Variants in KIRREL2 observed in about 807,000 individuals in gnomAD.
The protein encoded by KIRREL2 is kin of IRRE-like protein 2.
Under a neutral mutation model 73.4 loss-of-function variants are expected in KIRREL2, and 56 were observed. The ratio of observed to expected loss-of-function variants is 0.76; its 90% CI spans 0.62 to 0.95. The LOEUF is 0.95. KIRREL2 is among the 40% of genes least tolerant of loss of function. The pLI is 0.00. For synonymous variants in KIRREL2, 407 were observed against 404.0 expected, an observed-to-expected ratio of 1.01 and a Z score of -0.09; for missense variants, 896 against 935.0, an observed-to-expected ratio of 0.96 and a Z score of 0.54.
Position 35,866,263 on chromosome 19 carries a change from C to T in KIRREL2, c.1898C>T (p.Pro633Leu), listed in dbSNP as rs2146889424. The stretch of plus-strand genomic sequence containing the variant: ...CTGCCACCACCCTCCCCCCTTGGGC[C>T]CCCAGGGACCCCTACCTTCTATGAC... The part of the protein sequence containing the change: ...LFLPPPSPLG[P>L]PGTPTFYDFN... The change falls in exon 15 of 15, where the codon CCC becomes CTC. Residue 633 changes from proline (P) to leucine (L), a missense_variant. By Grantham distance (98) the Pro-to-Leu change is moderately conservative (BLOSUM62 -3). Transcript: ENST00000360202. 51 of 1,611,180 alleles carry T rather than the reference C, an allele frequency of 3.2e-5. No homozygotes were observed. The highest frequency in any genetic ancestry group is 4.2e-5 in the Non-Finnish European group (50 of 1,177,500).
intron 2 of KIRREL2, 150 bp downstream of exon 2, chr19:35,857,644 T>G (rs1973482408): frequency 1.2e-6 from 1 of 825,914 alleles, no homozygotes; most frequent in Non-Finnish European, 1.8e-6. Context: ...TTGAGCTGCT[T>G]CTTTGGGGGT....
At chr19:35,860,736 G>T in intron 7 of KIRREL2, 69 bp downstream of exon 7, 1 of 1,591,486 alleles carries the variant, frequency 6.3e-7, no homozygotes, top group Non-Finnish European at 8.5e-7. Flanking sequence ...GAGGGTCGGG[G>T]CCTGGAGGGG....
At position 35,866,777 on chromosome 19, in the gene KIRREL2, TGGGTGTTGGGAGTTTGGGGCC is replaced by T. The variant is rs1377698784; in HGVS notation, c.*289_*309del. The T allele has an allele frequency of 9.3e-6, 5 of 538,046 alleles. No individual in the cohort carries two copies. Among genetic ancestry groups the T allele is most frequent in the Non-Finnish European group, 1.6e-5 (5 of 309,184 alleles). 33.3% of individuals were successfully genotyped at this position (538,046 alleles called of 1,614,324 possible). A position where few individuals can be genotyped will look rare whatever the true frequency, so the allele number is the denominator to read the frequency against. ...TTGAGGAGAGATGGGGACAGGGCAG[TGGGTGTTGGGAGTTTGGGGCC>T]GGGATGGAAGTTGTTTCTAGCCACT... On this transcript the variant is annotated 3_prime_UTR_variant, in exon 15 of 15. Transcript: ENST00000360202.
chr19:35,861,686 C>G, intron 10 of KIRREL2, 45 bp downstream of exon 10: 16 of 1,599,140 alleles, frequency 1.0e-5, no homozygotes, highest in Non-Finnish European at 1.4e-5. Flanking sequence ...GCCGTGATCC[C>G]TGACCTCCCA....
At chr19:35,851,559 G>A (rs1973262633), upstream of KIRREL2, 3 of 1,613,898 alleles carry the variant, frequency 1.9e-6, no homozygotes, top group African/African-American at 1.3e-5. Context: ...GCACTGCCAG[G>A]GGTGCTGACC....
chr19:35,862,036 G>A lies in KIRREL2; in HGVS notation c.1510+12G>A, dbSNP rs201402279. On this transcript the variant is annotated intron_variant, in intron 11 of 14. Transcript: ENST00000360202. ...CCTGGGCCGTAGAGGTGAGACCCCA[G>A]CCCGAAGACCCCAAATCTGGAGAGT... The A allele has an allele frequency of 1.1e-5, 18 of 1,596,898 alleles. No individual in the cohort carries two copies. In the East Asian group the frequency reaches 3.4e-4, roughly 30 times the overall value.
At chr19:35,851,439 C>A (rs1973258202), upstream of KIRREL2, 1 of 1,613,060 alleles carries the variant, frequency 6.2e-7, no homozygotes, top group Non-Finnish European at 8.5e-7. Context: ...CTGAGGGTCT[C>A]AGGCTCTGAT....
At chr19:35,855,656 TACACACACACACACACACAC>T (rs57458964), upstream of KIRREL2, among the ~76,000 whole-genome samples, 21 of 84,922 alleles carry the variant, frequency 2.5e-4, no homozygotes, top group Admixed American at 6.6e-4. Flanking sequence ...CACCTCCCCA[TACACACACACACACACACAC>T]ACACACACAC....
At chr19:35,856,900 T>C (rs1973443266), upstream of KIRREL2, 2 of 631,878 alleles carry the variant, frequency 3.2e-6, no homozygotes, top group Non-Finnish European at 5.8e-6. This position sits in a 1 kb window ranked among gnomAD's most constrained non-coding sequence, Gnocchi z 5.9. Context: ...CGGGCCCTCT[T>C]GGGGTCTCCC....
chr19:35,864,176 T>TTGTTG (rs1973849383), intron 13 of KIRREL2, among the ~76,000 whole-genome samples: 1 of 148,690 alleles, frequency 6.7e-6, no homozygotes, highest in Non-Finnish European at 1.5e-5. Context: ...ACAGCCCGTT[T>TTGTTG]TTGTTGTTGT....
Position 35,860,531 on chromosome 19 carries a change from G to T in KIRREL2, c.792G>T (p.Gly264=). Residue 264 remains glycine, a synonymous_variant, in exon 7 of 15, where the codon GGG becomes GGT. Coordinates refer to ENST00000360202, the MANE Select transcript of KIRREL2 (RefSeq NM_199180.4). ...PPVTGYRWAK[G]GSPVLGARGP... is the part of the protein sequence containing the mutation. ...ACCATTTCCTCAGGTGGGCAAAAGG[G>T]GGCTCTCCGGTGCTCGGGGCCCGCG... 1 of 1,602,996 alleles carries T rather than the reference G, an allele frequency of 6.2e-7. No individual in the cohort carries two copies.
intron 12 of KIRREL2, 136 bp downstream of exon 12, chr19:35,862,733 C>A (rs149649313): frequency 1.4e-6 from 1 of 734,070 alleles, no homozygotes; most frequent in Admixed American, 2.3e-5. Flanking sequence ...CTCTCCTTCA[C>A]GTTCTGGTTC....
At position 35,866,934 on chromosome 19, in the gene KIRREL2, T is replaced by G. The variant is rs1273059506; in HGVS notation, c.*442T>G. The stretch of plus-strand genomic sequence containing the variant: ...CCCTGGCTCTCCCTGAGGGGAACTT[T>G]GCTCGGCCAATGGAAATGCAGCCAA... On this transcript the variant is annotated 3_prime_UTR_variant, in exon 15 of 15. Coordinates refer to ENST00000360202, the MANE Select transcript of KIRREL2 (RefSeq NM_199180.4). 5.1e-6 allele frequency: 1 copy of G among 196,044 alleles called. No homozygotes were observed. Among genetic ancestry groups the G allele is most frequent in the East Asian group, 1.7e-4 (1 of 5,806 alleles). The allele number at this position is 196,044 out of a possible 1,614,324, so 12.1% of individuals were successfully genotyped here.
upstream of KIRREL2, among the ~76,000 whole-genome samples, chr19:35,852,554 T>TCCAGA (rs1429597377): frequency 1.3e-5 from 2 of 151,916 alleles, no homozygotes; most frequent in African/African-American, 4.8e-5. Context: ...CTCTGGCCTC[T>TCCAGA]GCCCAGCAGG....
chr19:35,851,964 C>G, upstream of KIRREL2: 1 of 780,280 alleles, frequency 1.3e-6, no homozygotes, highest in South Asian at 1.5e-5. Flanking sequence ...TTCCGTTACT[C>G]TCCTCCCTTT....
intron 7 of KIRREL2, 64 bp from the exon 8 acceptor site, chr19:35,860,845 G>A: frequency 1.2e-6 from 2 of 1,609,032 alleles, no homozygotes; most frequent in South Asian, 1.1e-5. Context: ...TGTGGGGCTG[G>A]CTGATCCCAG....
At position 35,866,693 on chromosome 19, in the gene KIRREL2, AC is replaced by A; in HGVS notation, c.*204del. ...TGCCCCAAGTGGGAGCAACATGGCC[AC>A]CCAATATGCCCACCTATTCCCCGGT... is the stretch of plus-strand genomic sequence containing the variant. On this transcript the variant is annotated 3_prime_UTR_variant, in exon 15 of 15. Coordinates refer to ENST00000360202, the MANE Select transcript of KIRREL2 (RefSeq NM_199180.4). 1 of 668,124 alleles carries A rather than the reference AC, an allele frequency of 1.5e-6. No homozygotes were observed. Among genetic ancestry groups the A allele is most frequent in the Admixed American group, 3.0e-5 (1 of 33,258 alleles). 41.4% of individuals were successfully genotyped at this position (668,124 alleles called of 1,614,324 possible).
intron 7 of KIRREL2, 95 bp downstream of exon 7, chr19:35,860,762 G>C: frequency 6.3e-7 from 1 of 1,581,368 alleles, no homozygotes; most frequent in Non-Finnish European, 8.6e-7. Context: ...CCGGGAGAGC[G>C]AGCGTGGGGT....
chr19:35,856,785 A>T (rs766643234), upstream of KIRREL2: 15 of 379,422 alleles, frequency 4.0e-5, no homozygotes, highest in Non-Finnish European at 6.3e-5. The surrounding 1 kb of genome is among the most constrained non-coding windows in gnomAD (Gnocchi z 5.9). Context: ...CCGCCGGGGG[A>T]TCCCGCCCTG....
Sources: allele counts gnomAD v4.1 joint callset (sites outside exome capture counted in the v4.1 genomes callset), GRCh38; gene constraint gnomAD v4.1.1; non-coding constraint Gnocchi (gnomAD v3.1); transcripts MANE v1.5; gene names NCBI Gene and HGNC (gene_info 2026-07-23, HGNC 2026-07-21).